Variants in SPG7 observed in about 807,000 individuals in gnomAD.
The protein encoded by SPG7 is mitochondrial inner membrane m-AAA protease component paraplegin.
Under a neutral mutation model 81.9 loss-of-function variants are expected in SPG7, and 103 were observed. That is an observed-to-expected ratio of 1.26 (90% CI 1.07 to 1.48). The LOEUF (loss-of-function observed/expected upper bound fraction) is 1.48, where lower values mean the gene tolerates loss of function less well. Ranked by LOEUF, SPG7 falls within the 40% of genes most tolerant of loss-of-function variation. SPG7 has a pLI of 0.00. For missense variants in SPG7, 1,241 were observed against 1,087.3 expected (o/e 1.14, Z -1.99); for synonymous variants, 534 against 444.2 (o/e 1.20, Z -2.54).
chr16:89,556,988 G>C lies in SPG7; in HGVS notation c.2283G>C (p.Gln761His). ...GGCCGAAGAAAATGATCGCACCGCAGAGGTGGATCGACGCCCAGAGGGAGA... is the reference window on the plus strand; with the variant it reads ...GGCCGAAGAAAATGATCGCACCGCACAGGTGGATCGACGCCCAGAGGGAGA... ...PHGPKKMIAP[Q>H]RWIDAQREKQ... is the part of the protein sequence containing the mutation. The change falls in exon 17 of 17, where the codon CAG (glutamine) becomes CAC (histidine). Residue 761 changes from glutamine (Q) to histidine (H), a missense_variant. By Grantham distance (24) the Gln-to-His change is conservative (BLOSUM62 0). Coordinates refer to ENST00000645818, the MANE Select transcript of SPG7 (RefSeq NM_003119.4). 6.2e-7 allele frequency: 1 copy of C among 1,614,004 alleles called. No individual in the cohort carries two copies. Among genetic ancestry groups the C allele is most frequent in the Admixed American group, 1.7e-5 (1 of 60,030 alleles).
rs115743362 is a variant in SPG7 at position 89,548,037 on chromosome 16, G to A, written c.1587G>A (p.Ala529=). The A allele has an allele frequency of 2.7e-5, 44 of 1,612,386 alleles. No individual in the cohort carries two copies. The highest frequency in any genetic ancestry group is 6.7e-5 in the East Asian group (3 of 44,874). The change falls in exon 12 of 17, where the codon GCG becomes GCA. Residue 529 remains alanine, a synonymous_variant. Coordinates refer to ENST00000645818, the MANE Select transcript of SPG7 (RefSeq NM_003119.4). The part of the protein sequence containing the change: ...ADIANICNEA[A]LHAAREGHTS... ...TCGCCAACATCTGCAATGAGGCTGC[G>A]CTGCACGCGGCGCGGGAGGGACACA...
chr16:89,512,401 CGCCTCCCGGGTTCAAGCAATTCTGCCTCA>C (rs1376717025), intron 2 of SPG7, among the ~76,000 whole-genome samples: 1 of 152,030 alleles, frequency 6.6e-6, no homozygotes, highest in Non-Finnish European at 1.5e-5. Flanking sequence ...CTGCAACCTC[CGCCTCCCGGGTTCAAGCAATTCTGCCTCA>C]GCCTCCCAAG....
chr16:89,539,331 C>T (rs1290297956), intron 9 of SPG7: 1 of 152,088 alleles, frequency 6.6e-6, no homozygotes, highest in African/African-American at 2.4e-5. Context: ...GAAACCCCAT[C>T]TGTACTAAAA....
At position 89,530,711 on chromosome 16, in the gene SPG7, T is replaced by G; in HGVS notation, c.890T>G (p.Ile297Ser). 6.2e-7 allele frequency: 1 copy of G among 1,614,042 alleles called. No homozygotes were observed. The highest frequency in any genetic ancestry group is 1.1e-5 in the South Asian group (1 of 91,082). ...CAGCTTAAAATGGCTCGTTTCACCA[T>G]TGTGGATGGGAAGATGGGGAAAGGA... ...FNQLKMARFT[I>S]VDGKMGKGVS... is the part of the protein sequence containing the mutation. Residue 297 changes from isoleucine (I) to serine (S), a missense_variant, in exon 7 of 17, where the codon ATT becomes AGT. Transcript: ENST00000645818.
chr16:89,524,413 A>C (rs754292873), intron 4 of SPG7, among the ~76,000 whole-genome samples, 166 bp downstream of exon 4: 1 of 152,122 alleles, frequency 6.6e-6, no homozygotes, highest in Non-Finnish European at 1.5e-5. Context: ...CAGGGACCTC[A>C]GCCCATTGAT....
intron 3 of SPG7, 182 bp from the exon 4 acceptor site, chr16:89,523,824 A>T: frequency 1.2e-6 from 1 of 832,996 alleles, no homozygotes. Context: ...GGTGACCTCG[A>T]ACAGCACAGC....
Position 89,513,042 on chromosome 16 carries a change from A to G in SPG7, c.376+5A>G. The G allele has an allele frequency of 1.9e-6, 3 of 1,601,186 alleles. No homozygotes were observed. The African/African-American group carries it at 4.0e-5, about 21-fold the overall frequency. Reference sequence around the variant, plus strand: ...AGGCGCCTGAAGAGGACGAAGGTATATTCATCTGATGTTCTTCAGTCAGTA... The same window carrying G: ...AGGCGCCTGAAGAGGACGAAGGTATGTTCATCTGATGTTCTTCAGTCAGTA... On this transcript the variant is annotated splice_donor_5th_base_variant and intron_variant, in intron 3 of 16. Transcript: ENST00000645818.
At chr16:89,537,050 C>A in intron 9 of SPG7, 2 of 1,593,258 alleles carry the variant, frequency 1.3e-6, no homozygotes, top group Non-Finnish European at 8.5e-7. Context: ...AATCCGCTGA[C>A]TGAAGGCCTC....
intron 3 of SPG7, chr16:89,517,170 G>A (rs62070326): frequency 0.43 from 64,235 of 149,282 alleles, 14,578 homozygotes; most frequent in East Asian, 0.67. Context: ...TGGCCTGTGC[G>A]GATTCTGCAT....
chr16:89,528,246 GC>G, intron 5 of SPG7, among the ~76,000 whole-genome samples: 2 of 152,108 alleles, frequency 1.3e-5, no homozygotes, highest in African/African-American at 4.8e-5. Flanking sequence ...AAAAAAATTA[GC>G]CGGGTGCGGT....
At position 89,535,435 on chromosome 16, in the gene SPG7, G is replaced by A. The variant is rs1597640182; in HGVS notation, c.1324+2799G>A. Among the ~76,000 whole-genome samples, 5 of 152,332 alleles carry A rather than the reference G, an allele frequency of 3.3e-5. 1 individual carries two copies. The highest frequency in any genetic ancestry group is 3.3e-4 in the Admixed American group (5 of 15,300). The stretch of plus-strand genomic sequence containing the variant: ...CCGACAGTGTGCAGGACGCAACGAC[G>A]TTTGCGGAGAATGCTTCACACCTCT... On this transcript the variant is annotated intron_variant, in intron 9 of 16. Transcript: ENST00000645818.
intron 2 of SPG7, among the ~76,000 whole-genome samples, chr16:89,511,482 G>C (rs2058021568): frequency 6.6e-6 from 1 of 152,226 alleles, no homozygotes; most frequent in Non-Finnish European, 1.5e-5. Context: ...ACAGCTTTGT[G>C]CCAACACATG....
At chr16:89,526,293 C>A (rs376812511) in intron 4 of SPG7, 36 bp from the exon 5 acceptor site, 12 of 1,612,882 alleles carry the variant, frequency 7.4e-6, no homozygotes, top group Non-Finnish European at 1.0e-5. Context: ...TCTGTCCCTG[C>A]GTTTCTCATG....
chr16:89,544,075 C>T (rs927798304), intron 9 of SPG7: 5 of 179,716 alleles, frequency 2.8e-5, no homozygotes, highest in African/African-American at 1.2e-4. Context: ...GTCAGGTGTT[C>T]CCAGCAGCTT....
At chr16:89,552,895 A>T in intron 13 of SPG7, 84 bp from the exon 14 acceptor site, 2 of 1,346,902 alleles carry the variant, frequency 1.5e-6, no homozygotes, top group Non-Finnish European at 2.1e-6. Context: ...CGCTTTAATG[A>T]CGGAGACCTC....
chr16:89,550,970 CA>C, intron 13 of SPG7, among the ~76,000 whole-genome samples: 1 of 152,256 alleles, frequency 6.6e-6, no homozygotes, highest in African/African-American at 2.4e-5. Flanking sequence ...GTTGAGTGTA[CA>C]TTTAAAAAAT....
chr16:89,549,494 TAAAAG>T lies in SPG7; in HGVS notation c.1664-992_1664-988del, dbSNP rs550617593. 327 of 341,032 alleles carry T rather than the reference TAAAAG, an allele frequency of 9.6e-4. 1 individual carries two copies. Among genetic ancestry groups the T allele is most frequent in the Non-Finnish European group, 1.2e-3 (213 of 174,102 alleles). 21.1% of individuals were successfully genotyped at this position (341,032 alleles called of 1,614,324 possible). ...GGCAATACAGCAAGACCCCATCTCT[TAAAAG>T]AAAAGAATAAAGAGTATTAGCCAGG... On this transcript the variant is annotated intron_variant, in intron 12 of 16. Transcript: ENST00000645818.
chr16:89,509,617 C>G (rs2057984612), intron 1 of SPG7, among the ~76,000 whole-genome samples: 1 of 152,002 alleles, frequency 6.6e-6, no homozygotes, highest in Admixed American at 6.6e-5. Context: ...TACTTGTTAA[C>G]TGGTTTGGTA....
chr16:89,549,744 G>C (rs2058610744), intron 12 of SPG7: 1 of 166,156 alleles, frequency 6.0e-6, no homozygotes, highest in Non-Finnish European at 1.3e-5. Context: ...TCCAGAAAGT[G>C]ATGGGGATGG....
Sources: gnomAD v4.1 joint callset for allele counts (sites outside exome capture counted in the v4.1 genomes callset) on GRCh38, gnomAD v4.1.1 for gene constraint, MANE v1.5 for transcripts, NCBI Gene and HGNC (gene_info 2026-07-23, HGNC 2026-07-21) for gene names.